G2E3: variants seen among roughly 807,000 people sequenced by gnomAD.
G2E3 encodes the protein G2/M-phase specific E3 ubiquitin protein ligase, also known as G2/M phase-specific E3 ubiquitin-protein ligase.
G2E3 carries 35 observed loss-of-function variants against 92.8 expected under a neutral mutation model. The observed-to-expected ratio is 0.38, with a 90% CI of 0.29 to 0.50. G2E3 has a LOEUF of 0.50. Ranked by LOEUF, G2E3 falls within the 20% of genes least tolerant of loss-of-function variation. The probability of loss-of-function intolerance (pLI) is 0.94; values close to 1 mark genes in which losing one functional copy is unlikely to be tolerated. For synonymous variants in G2E3, 242 were observed against 272.4 expected (o/e 0.89, Z 1.10); for missense variants, 554 against 823.8 (o/e 0.67, Z 4.01).
intron 1 of G2E3, among the ~76,000 whole-genome samples, chr14:30,568,817 A>G (rs984836681): frequency 1.3e-5 from 2 of 152,312 alleles, no homozygotes; most frequent in East Asian, 1.9e-4. Flanking sequence ...ATCATAAAGG[A>G]AAAAGAGAAT....
intron 7 of G2E3, 193 bp from the exon 8 acceptor site, chr14:30,598,290 G>A: frequency 2.3e-6 from 1 of 442,070 alleles, no homozygotes; most frequent in South Asian, 2.3e-5. Context: ...GGAGGCTGAG[G>A]CAGGGAGAAT....
In G2E3 at chr14:30,617,213, G is replaced by A. The variant is rs1301519128; in HGVS notation, c.*679G>A. ...TAAGGGAGGCTGAGGTGGGAGAATC[G>A]AGATACTCAGCCAGCCTGGCAATGT... On this transcript the variant is annotated 3_prime_UTR_variant, in exon 15 of 15. Transcript: ENST00000206595. The A allele has an allele frequency of 2.6e-5, 4 of 151,738 alleles. No homozygotes were observed. The highest frequency in any genetic ancestry group is 9.7e-5 in the African/African-American group (4 of 41,298). 9.4% of individuals were successfully genotyped at this position (151,738 alleles called of 1,614,324 possible).
intron 13 of G2E3, among the ~76,000 whole-genome samples, chr14:30,613,025 A>G (rs1882164125): frequency 6.6e-6 from 1 of 152,172 alleles, no homozygotes; most frequent in South Asian, 2.1e-4. Context: ...AGTACCTTTT[A>G]TCTGCTGGGT....
intron 1 of G2E3, among the ~76,000 whole-genome samples, chr14:30,561,202 T>C (rs1879078989): frequency 6.6e-6 from 1 of 152,212 alleles, no homozygotes; most frequent in Non-Finnish European, 1.5e-5. Flanking sequence ...CTTTACAATA[T>C]CGCTGAGGTA....
chr14:30,596,053 T>G (rs1162495321), intron 6 of G2E3, among the ~76,000 whole-genome samples: 2 of 144,172 alleles, frequency 1.4e-5, no homozygotes, highest in Non-Finnish European at 3.0e-5. Context: ...TGTCTGCAAT[T>G]GCTCAAATAT....
In G2E3 at chr14:30,592,328, C is replaced by T; in HGVS notation, c.243C>T (p.Cys81=). The T allele has an allele frequency of 2.5e-6, 4 of 1,612,226 alleles. No individual in the cohort carries two copies. Among genetic ancestry groups the T allele is most frequent in the Non-Finnish European group, 3.4e-6 (4 of 1,178,718 alleles). Residue 81 remains cysteine, a synonymous_variant, in exon 5 of 15, where the codon TGC becomes TGT. Transcript: ENST00000206595. The part of the protein sequence containing the change: ...KEVNRASKLK[C]CVCKKNGASI... ...ATTTTCACATACTCTTCTAGAAATGCTGTGTTTGCAAGAAAAATGGTGCTT... is the reference window on the plus strand; with the variant it reads ...ATTTTCACATACTCTTCTAGAAATGTTGTGTTTGCAAGAAAAATGGTGCTT...
At chr14:30,585,378 G>T (rs1880652629) in intron 2 of G2E3, among the ~76,000 whole-genome samples, 1 of 152,116 alleles carries the variant, frequency 6.6e-6, no homozygotes, top group South Asian at 2.1e-4. Context: ...TGCATGTAAG[G>T]AGCTAATTGT....
At chr14:30,562,663 A>G (rs1053294646) in intron 1 of G2E3, among the ~76,000 whole-genome samples, 8 of 151,948 alleles carry the variant, frequency 5.3e-5, no homozygotes, top group African/African-American at 1.9e-4. Flanking sequence ...AGGGCCTGAC[A>G]CCAGTCAGGC....
At chr14:30,574,108 A>G (rs997847589) in intron 1 of G2E3, among the ~76,000 whole-genome samples, 2 of 152,276 alleles carry the variant, frequency 1.3e-5, no homozygotes, top group East Asian at 1.9e-4. Flanking sequence ...CATTCACTTT[A>G]TCATCCTGCA....
chr14:30,594,420 T>C (rs1881169081), intron 6 of G2E3, among the ~76,000 whole-genome samples: 1 of 152,206 alleles, frequency 6.6e-6, no homozygotes, highest in South Asian at 2.1e-4. Context: ...CCGGGTGTGG[T>C]GGCTCACGCC....
chr14:30,616,192 A>G (rs966560033), intron 14 of G2E3, 86 bp from the exon 15 acceptor site: 14 of 891,498 alleles, frequency 1.6e-5, no homozygotes, highest in Middle Eastern at 2.9e-4. Flanking sequence ...TTCCAAGTCT[A>G]TTTGGAGAAG....
intron 12 of G2E3, among the ~76,000 whole-genome samples, chr14:30,610,210 A>T (rs1946172664): frequency 1.3e-5 from 2 of 152,224 alleles, no homozygotes; most frequent in Admixed American, 1.3e-4. Flanking sequence ...CTAAAGATAG[A>T]GTAGTGAAGC....
chr14:30,602,189 G>C (rs992838589), intron 10 of G2E3, 58 bp downstream of exon 10: 4 of 1,327,872 alleles, frequency 3.0e-6, no homozygotes, highest in Non-Finnish European at 3.2e-6. Flanking sequence ...ATTATGATAG[G>C]AAATGCCATA....
intron 6 of G2E3, among the ~76,000 whole-genome samples, chr14:30,595,694 G>C (rs1881243731): frequency 6.6e-6 from 1 of 152,112 alleles, no homozygotes; most frequent in Non-Finnish European, 1.5e-5. Flanking sequence ...CTCTCTAAAG[G>C]AGTTCCAATA....
chr14:30,610,235 C>A (rs1566551677), intron 12 of G2E3, among the ~76,000 whole-genome samples: 1 of 152,154 alleles, frequency 6.6e-6, no homozygotes, highest in African/African-American at 2.4e-5. Flanking sequence ...TATCTGCCTT[C>A]TTGGAATTTA....
intron 3 of G2E3, among the ~76,000 whole-genome samples, chr14:30,588,741 G>A (rs1278877040): frequency 6.6e-6 from 1 of 152,086 alleles, no homozygotes; most frequent in African/African-American, 2.4e-5. Context: ...GCAGAGCCTG[G>A]CTTGCAAGCC....
intron 6 of G2E3, among the ~76,000 whole-genome samples, chr14:30,594,507 G>A (rs1413865518): frequency 6.6e-6 from 1 of 151,692 alleles, no homozygotes; most frequent in Non-Finnish European, 1.5e-5. Flanking sequence ...GGCTAACACG[G>A]TGAAACCCCG....
chr14:30,564,454 T>C (rs559205405), intron 1 of G2E3, among the ~76,000 whole-genome samples: 4 of 152,266 alleles, frequency 2.6e-5, no homozygotes, highest in African/African-American at 9.6e-5. Context: ...CACCTCAGCT[T>C]CCCAGGCAGC....
At chr14:30,563,740 A>T (rs1031267455) in intron 1 of G2E3, among the ~76,000 whole-genome samples, 3 of 126,026 alleles carry the variant, frequency 2.4e-5, no homozygotes, top group South Asian at 2.4e-4. Flanking sequence ...TGTGTGTGTG[A>T]TATAGAGTCT....
Sources: allele counts gnomAD v4.1 joint callset (sites outside exome capture counted in the v4.1 genomes callset), GRCh38; gene constraint gnomAD v4.1.1; transcripts MANE v1.5; gene names NCBI Gene and HGNC (gene_info 2026-07-23, HGNC 2026-07-21).